CLDN14: variants seen among roughly 807,000 people sequenced by gnomAD.
The protein encoded by CLDN14 is claudin 14.
Under a neutral mutation model 2.1 loss-of-function variants are expected in CLDN14, and 2 were observed. The observed-to-expected ratio is 0.96, with a 90% CI of 0.39 to 3.01. The LOEUF is 3.01. Ranked by LOEUF, CLDN14 falls within the 30% of genes most tolerant of loss-of-function variation. The probability of loss-of-function intolerance (pLI) is 0.09; values close to 1 mark genes in which losing one functional copy is unlikely to be tolerated. For missense variants in CLDN14, 298 were observed against 328.0 expected, an observed-to-expected ratio of 0.91 and a Z score of 0.71; for synonymous variants, 136 against 154.4, an observed-to-expected ratio of 0.88 and a Z score of 0.88.
chr21:36,543,770 T>C (rs929283389), intron 1 of CLDN14, among the ~76,000 whole-genome samples: 20 of 152,114 alleles, frequency 1.3e-4, no homozygotes, highest in African/African-American at 4.3e-4. Context: ...TGCACTGTAA[T>C]TTACATATAT....
intron 1 of CLDN14, among the ~76,000 whole-genome samples, chr21:36,563,395 T>C (rs1021304389): frequency 2.0e-5 from 3 of 151,682 alleles, no homozygotes; most frequent in Admixed American, 1.3e-4. Flanking sequence ...TGTTAATAAC[T>C]AAACATGTTG....
rs1026228048 is a variant in CLDN14 at position 36,492,764 on chromosome 21, G to A, written c.-82+17599C>T. Among the ~76,000 whole-genome samples the A allele has an allele frequency of 1.0e-3, 159 of 152,330 alleles. 1 individual carries two copies. The highest frequency in any genetic ancestry group is 3.6e-3 in the African/African-American group (150 of 41,586). On this transcript the variant is annotated intron_variant, in intron 2 of 2. Transcript: ENST00000342108. ...ACAGAGGCAGAGGTGGGGATGATGC[G>A]ACTACAAGCCAGGGAAGGCCAAGGA... is the stretch of plus-strand genomic sequence containing the variant.
chr21:36,494,378 G>A (rs1011828713), intron 2 of CLDN14, among the ~76,000 whole-genome samples: 18 of 152,202 alleles, frequency 1.2e-4, no homozygotes, highest in Admixed American at 9.2e-4. Context: ...TGGGCTGGCC[G>A]TGGGAGAGGG....
intron 1 of CLDN14, among the ~76,000 whole-genome samples, chr21:36,563,733 C>T (rs752986493): frequency 8.5e-5 from 13 of 152,192 alleles, no homozygotes; most frequent in Middle Eastern, 3.4e-3. Flanking sequence ...AGTGGAGATG[C>T]GAAAGACACG....
At position 36,555,735 on chromosome 21, in the gene CLDN14, C is replaced by T. The variant is rs556384757; in HGVS notation, c.-220+20676G>A. Among the ~76,000 whole-genome samples, 5 of 152,120 alleles carry T rather than the reference C, an allele frequency of 3.3e-5. No individual in the cohort carries two copies. In the East Asian group the frequency reaches 9.7e-4, roughly 29 times the overall value. On this transcript the variant is annotated intron_variant, in intron 1 of 2. Coordinates refer to the CLDN14 transcript ENST00000342108. ...TCCATTTTTAGCTTTACCAGAAGCT[C>T]CTGAGACTGCAAATGTGAACACACA...
chr21:36,503,178 C>T (rs2087104045), intron 2 of CLDN14, among the ~76,000 whole-genome samples: 1 of 152,186 alleles, frequency 6.6e-6, no homozygotes, highest in Non-Finnish European at 1.5e-5. Context: ...CTCAGCCTCC[C>T]AAGTAGCTGA....
intron 1 of CLDN14, among the ~76,000 whole-genome samples, chr21:36,463,960 C>T (rs1284753000): frequency 6.6e-6 from 1 of 152,152 alleles, no homozygotes; most frequent in Non-Finnish European, 1.5e-5. Flanking sequence ...TCACAGGACA[C>T]GGAGTGGACT....
At chr21:36,531,595 A>G (rs1350366407) in intron 1 of CLDN14, among the ~76,000 whole-genome samples, 1 of 151,230 alleles carries the variant, frequency 6.6e-6, no homozygotes, top group East Asian at 2.0e-4. Flanking sequence ...GCCTCTATAT[A>G]TCCTCAATCA....
chr21:36,553,154 C>T lies in CLDN14; in HGVS notation c.-220+23257G>A, dbSNP rs185792816. Among the ~76,000 whole-genome samples, 262 of 152,300 alleles carry T rather than the reference C, an allele frequency of 1.7e-3. 1 individual carries two copies. The highest frequency in any genetic ancestry group is 3.2e-3 in the Non-Finnish European group (216 of 68,030). On this transcript the variant is annotated intron_variant, in intron 1 of 2. Transcript: ENST00000342108. ...GTTGAGCTAGGACCAAGGCATTACACGTGAAGGTAGCTGCAGCCTCGAGGC... is the reference window on the plus strand; with the variant it reads ...GTTGAGCTAGGACCAAGGCATTACATGTGAAGGTAGCTGCAGCCTCGAGGC...
At chr21:36,532,110 A>T (rs559972807) in intron 1 of CLDN14, 1 of 152,184 alleles carries the variant, frequency 6.6e-6, no homozygotes, top group Non-Finnish European at 1.5e-5. Flanking sequence ...ATTTCCTCCG[A>T]AGAGGATACG....
intron 1 of CLDN14, among the ~76,000 whole-genome samples, chr21:36,571,276 T>C (rs966787745): frequency 6.6e-6 from 1 of 152,220 alleles, no homozygotes; most frequent in Admixed American, 6.5e-5. Context: ...CAGAAATGCA[T>C]AGGACATTCC....
chr21:36,549,282 T>A (rs1490135002), intron 1 of CLDN14, among the ~76,000 whole-genome samples: 4 of 151,746 alleles, frequency 2.6e-5, no homozygotes, highest in African/African-American at 7.3e-5. Flanking sequence ...ACACACTCTC[T>A]CTCTCTCTCT....
At chr21:36,575,215 G>T (rs2087733765) in intron 1 of CLDN14, among the ~76,000 whole-genome samples, 1 of 152,150 alleles carries the variant, frequency 6.6e-6, no homozygotes, top group Non-Finnish European at 1.5e-5. Context: ...TTTACTCCTG[G>T]CTTCTCTCTT....
chr21:36,500,229 T>C (rs755684848), intron 2 of CLDN14, among the ~76,000 whole-genome samples: 5 of 152,028 alleles, frequency 3.3e-5, no homozygotes, highest in Non-Finnish European at 7.4e-5. Flanking sequence ...AGGGCTGGGT[T>C]GGGCTTCCCT....
At chr21:36,500,603 A>G (rs1486248085) in intron 2 of CLDN14, among the ~76,000 whole-genome samples, 5 of 151,954 alleles carry the variant, frequency 3.3e-5, no homozygotes, top group Admixed American at 3.3e-4. Context: ...GGCTAATTTT[A>G]GTATTTTTAG....
intron 1 of CLDN14, among the ~76,000 whole-genome samples, chr21:36,537,571 A>G (rs1192926250): frequency 6.6e-6 from 1 of 152,200 alleles, no homozygotes; most frequent in Admixed American, 6.5e-5. Context: ...CTTGGTAGAC[A>G]TCTAATGAAA....
intron 1 of CLDN14, among the ~76,000 whole-genome samples, chr21:36,523,604 C>T (rs1231796622): frequency 6.6e-6 from 1 of 151,408 alleles, no homozygotes; most frequent in Non-Finnish European, 1.5e-5. Context: ...AAAAATTAGC[C>T]ATGCGTGGTG....
intron 2 of CLDN14, chr21:36,486,416 C>T (rs759258589): frequency 3.0e-5 from 38 of 1,265,408 alleles, no homozygotes; most frequent in Non-Finnish European, 4.3e-5. Context: ...CATCCTGCCG[C>T]TGCTGCTGCT....
At chr21:36,471,479 A>G (rs147165861) in intron 1 of CLDN14, among the ~76,000 whole-genome samples, 32 of 152,102 alleles carry the variant, frequency 2.1e-4, no homozygotes, top group African/African-American at 7.2e-4. Flanking sequence ...CTTGTGTGCA[A>G]TTGGCTGGGG....
Sources: allele counts gnomAD v4.1 joint callset (sites outside exome capture counted in the v4.1 genomes callset), GRCh38; gene constraint gnomAD v4.1.1; transcripts MANE v1.5; gene names NCBI Gene and HGNC (gene_info 2026-07-23, HGNC 2026-07-21).